DNMT3A: variants seen among roughly 807,000 people sequenced by gnomAD.
The protein encoded by DNMT3A is DNA methyltransferase 3 alpha.
Under a neutral mutation model 117.6 loss-of-function variants are expected in DNMT3A, and 267 were observed. The ratio of observed to expected loss-of-function variants is 2.27; its 90% CI spans 2.05 to 2.51. The LOEUF (loss-of-function observed/expected upper bound fraction) is 2.51, where lower values mean the gene tolerates loss of function less well. DNMT3A is among the 30% of genes most tolerant of loss of function. DNMT3A has a pLI of 0.00. For missense variants in DNMT3A, 1,029 were observed against 1,260.2 expected (o/e 0.82, Z 2.78); for synonymous variants, 432 against 474.8 (o/e 0.91, Z 1.17).
chr2:25,301,756 C>T (rs367709446), intron 2 of DNMT3A, among the ~76,000 whole-genome samples: 7 of 152,144 alleles, frequency 4.6e-5, no homozygotes, highest in South Asian at 2.1e-4. Flanking sequence ...ATACCCTGCA[C>T]GATGTCAGGA....
Position 25,248,269 on chromosome 2 carries a change from C to G in DNMT3A, c.640-17G>C, listed in dbSNP as rs757537821. ...CTTCTCAGCCTGGGGAAACAAAAAA[C>G]AAAAAGTCACCTTGACCTCTCCAGG... On this transcript the variant is annotated splice_polypyrimidine_tract_variant and intron_variant, in intron 6 of 22. Coordinates refer to ENST00000321117, the MANE Select transcript of DNMT3A (RefSeq NM_022552.5). The G allele has an allele frequency of 1.9e-6, 3 of 1,610,402 alleles. No homozygotes were observed. In the Admixed American group the frequency reaches 5.1e-5, roughly 27 times the overall value.
intron 1 of DNMT3A, among the ~76,000 whole-genome samples, chr2:25,323,181 C>T (rs1040705063): frequency 2.6e-5 from 4 of 152,152 alleles, no homozygotes; most frequent in Non-Finnish European, 5.9e-5. Context: ...AGGATGCTAA[C>T]ATGGTCGATG....
chr2:25,302,617 G>A (rs1305983972), intron 2 of DNMT3A, among the ~76,000 whole-genome samples: 2 of 152,200 alleles, frequency 1.3e-5, no homozygotes, highest in Admixed American at 6.5e-5. Context: ...GGCTCAGGGT[G>A]CCCAAGGGCA....
Position 25,314,097 on chromosome 2 carries a change from G to A in DNMT3A, c.-113C>T, listed in dbSNP as rs1204127776. 5.6e-5 allele frequency: 81 copies of A among 1,437,248 alleles called. No homozygotes were observed. In the Admixed American group the frequency reaches 1.1e-3, roughly 19 times the overall value. The allele number at this position is 1,437,248 out of a possible 1,614,324, so 89.0% of individuals were successfully genotyped here. A position where few individuals can be genotyped will look rare whatever the true frequency, so the allele number is the denominator to read the frequency against. On this transcript the variant is annotated 5_prime_UTR_variant, in exon 2 of 23. Transcript: ENST00000321117. ...GAGTTAAAACTTAAACATAGATCCC[G>A]GTGTTGAGCCCTCTGGTGAACGGTG...
In DNMT3A at chr2:25,247,742, C is replaced by T. The variant is rs749572719; in HGVS notation, c.863G>A (p.Arg288Gln). 8 of 1,612,410 alleles carry T rather than the reference C, an allele frequency of 5.0e-6. No individual in the cohort carries two copies. The highest frequency in any genetic ancestry group is 5.1e-6 in the Non-Finnish European group (6 of 1,179,984). Residue 288 changes from arginine (R) to glutamine (Q), a missense_variant, in exon 8 of 23, where the codon CGG becomes CAG. Coordinates refer to ENST00000321117, the MANE Select transcript of DNMT3A (RefSeq NM_022552.5). The surrounding 1 kb of genome is among the most constrained non-coding windows in gnomAD (Gnocchi z 5.6). ...GDDEPEYEDGRGFGIGELVWG... is the reference protein window; with the variant it reads ...GDDEPEYEDGQGFGIGELVWG... ...CACCAGCTCCCCAATGCCAAAGCCC[C>T]GGCCGTCCTGGAGCCCCAAGGAGCA...
chr2:25,322,615 C>T (rs984931504), intron 1 of DNMT3A, among the ~76,000 whole-genome samples: 5 of 151,772 alleles, frequency 3.3e-5, no homozygotes, highest in Non-Finnish European at 5.9e-5. Flanking sequence ...TCTCCTGAAG[C>T]CTCAGGACTG....
rs575704030 is a variant in DNMT3A at position 25,279,687 on chromosome 2, T to A, written c.448+2754A>T. Among the ~76,000 whole-genome samples the A allele has an allele frequency of 5.3e-5, 8 of 152,044 alleles. No homozygotes were observed. In the South Asian group the frequency reaches 1.7e-3, roughly 32 times the overall value. On this transcript the variant is annotated intron_variant, in intron 4 of 22. Coordinates refer to ENST00000321117, the MANE Select transcript of DNMT3A (RefSeq NM_022552.5). ...GTGTACCAAGGCCAAAGTTTGTTTT[T>A]TTTTTTTGTATTTTTTTGAGATGGA... is the stretch of plus-strand genomic sequence containing the variant.
Position 25,231,038 on chromosome 2 carries a change from G to A in DNMT3A, c.*3241C>T, listed in dbSNP as rs1046523002. 5.3e-5 allele frequency: 8 copies of A among 152,330 alleles called. No individual in the cohort carries two copies. Among genetic ancestry groups the A allele is most frequent in the Admixed American group, 2.0e-4 (3 of 15,288 alleles). 9.4% of individuals were successfully genotyped at this position (152,330 alleles called of 1,614,324 possible). On this transcript the variant is annotated 3_prime_UTR_variant, in exon 23 of 23. Transcript: ENST00000321117. ...TTGGAGCACCAGGCCCAGTTCCGGT[G>A]GAGCTTGGGCCGCTGGGAAAGGCTA... is the stretch of plus-strand genomic sequence containing the variant.
In DNMT3A at chr2:25,257,069, T is replaced by G. The variant is rs1251926964; in HGVS notation, c.640-8817A>C. 1.3e-5 allele frequency among the ~76,000 whole-genome samples: 2 copies of G among 152,240 alleles called. No homozygotes were observed. The highest frequency in any genetic ancestry group is 4.8e-5 in the African/African-American group (2 of 41,466). ...GAGGTCCCAGTCTACCAAAAGAGGCTGGGAATCTTTGTTTTCCTATTCCCT... is the reference window on the plus strand; with the variant it reads ...GAGGTCCCAGTCTACCAAAAGAGGCGGGGAATCTTTGTTTTCCTATTCCCT... On this transcript the variant is annotated intron_variant, in intron 6 of 22. Transcript: ENST00000321117. The surrounding 1 kb of genome is among the most constrained non-coding windows in gnomAD (Gnocchi z 4.8).
In DNMT3A at chr2:25,254,400, C is replaced by T. The variant is rs1478660809; in HGVS notation, c.640-6148G>A. Among the ~76,000 whole-genome samples, 1 of 152,086 alleles carries T rather than the reference C, an allele frequency of 6.6e-6. No individual in the cohort carries two copies. The highest frequency in any genetic ancestry group is 1.9e-4 in the East Asian group (1 of 5,194). On this transcript the variant is annotated intron_variant, in intron 6 of 22. Coordinates refer to ENST00000321117, the MANE Select transcript of DNMT3A (RefSeq NM_022552.5). The surrounding 1 kb of genome is among the most constrained non-coding windows in gnomAD (Gnocchi z 4.7). ...GACCCCAAACCAGAGAGCCTTCTACCTAGAAGACTTGGGTACAGACTCCCC... is the reference window on the plus strand; with the variant it reads ...GACCCCAAACCAGAGAGCCTTCTACTTAGAAGACTTGGGTACAGACTCCCC...
At chr2:25,336,867 T>C (rs1041827533) in intron 1 of DNMT3A, among the ~76,000 whole-genome samples, 1 of 152,186 alleles carries the variant, frequency 6.6e-6, no homozygotes, top group Non-Finnish European at 1.5e-5. Context: ...GCTTCTGAGA[T>C]GCCACCTCCT....
At chr2:25,239,888 G>A (rs891788237) in intron 19 of DNMT3A, among the ~76,000 whole-genome samples, 6 of 152,252 alleles carry the variant, frequency 3.9e-5, no homozygotes, top group Non-Finnish European at 5.9e-5. Flanking sequence ...ACTGAGCTAA[G>A]TCTTGTTTTC....
At chr2:25,318,990 C>T (rs1280869168) in intron 1 of DNMT3A, among the ~76,000 whole-genome samples, 3 of 148,542 alleles carry the variant, frequency 2.0e-5, no homozygotes, top group Non-Finnish European at 3.0e-5. Flanking sequence ...TGAGCCACCA[C>T]GCCTGGCCCT....
rs1208805542 is a variant in DNMT3A, at chr2:25,252,724, G to A, written c.640-4472C>T. ...GCCGGAGCTTTCGGACGGCCTGGGA[G>A]AGCCGGGAGAAAGTTGTGAAAAGTG... is the stretch of plus-strand genomic sequence containing the variant. On this transcript the variant is annotated intron_variant, in intron 6 of 22. Coordinates refer to ENST00000321117, the MANE Select transcript of DNMT3A (RefSeq NM_022552.5). The surrounding 1 kb of genome is among the most constrained non-coding windows in gnomAD (Gnocchi z 5.5). Among the ~76,000 whole-genome samples, 4 of 152,018 alleles carry A rather than the reference G, an allele frequency of 2.6e-5. No homozygotes were observed. Among genetic ancestry groups the A allele is most frequent in the Admixed American group, 2.6e-4 (4 of 15,270 alleles).
At chr2:25,246,443 C>G (rs1674782615) in intron 10 of DNMT3A, 134 bp from the exon 11 acceptor site, 3 of 1,433,508 alleles carry the variant, frequency 2.1e-6, no homozygotes, top group Non-Finnish European at 2.8e-6. Context: ...CGGTTCTAGC[C>G]AACCAACAGA....
At chr2:25,289,106 CTTT>C (rs1204158555) in intron 3 of DNMT3A, among the ~76,000 whole-genome samples, 2 of 143,820 alleles carry the variant, frequency 1.4e-5, no homozygotes, top group Non-Finnish European at 1.5e-5. Flanking sequence ...CCTTATTTAA[CTTT>C]TTTTTTTTTT....
chr2:25,247,839 T>TG lies in DNMT3A; in HGVS notation c.856-91dup, dbSNP rs1453849598. The TG allele has an allele frequency of 8.3e-6, 13 of 1,562,460 alleles. No homozygotes were observed. The highest frequency in any genetic ancestry group is 9.5e-6 in the Non-Finnish European group (11 of 1,159,138). ...CATGGCAACCCCAGCCCTGGGCATC[T>TG]GGGGGGCAGGACAGCCAGGAGGGAG... On this transcript the variant is annotated intron_variant, in intron 7 of 22. Transcript: ENST00000321117. The surrounding 1 kb of genome is among the most constrained non-coding windows in gnomAD (Gnocchi z 5.6).
chr2:25,271,435 A>T (rs1478721816), intron 6 of DNMT3A, among the ~76,000 whole-genome samples: 1 of 152,196 alleles, frequency 6.6e-6, no homozygotes, highest in Non-Finnish European at 1.5e-5. Context: ...CTTGAAAGCT[A>T]CCTGTGTTTT....
chr2:25,314,458 GC>G, intron 1 of DNMT3A: 1 of 985,304 alleles, frequency 1.0e-6, no homozygotes, highest in South Asian at 4.7e-5. Context: ...TTCATTCACA[GC>G]CTCTCTCTCC....
Sources: allele counts gnomAD v4.1 joint callset (sites outside exome capture counted in the v4.1 genomes callset), GRCh38; gene constraint gnomAD v4.1.1; non-coding constraint Gnocchi (gnomAD v3.1); transcripts MANE v1.5; gene names NCBI Gene and HGNC (gene_info 2026-07-23, HGNC 2026-07-21).